Variants in UBE2J2 observed in about 807,000 individuals in gnomAD.
UBE2J2 encodes ubiquitin conjugating enzyme E2 J2.
UBE2J2 carries 5 observed loss-of-function variants against 28.6 expected under a neutral mutation model. The observed-to-expected ratio is 0.17, with a 90% CI of 0.09 to 0.37. The LOEUF is 0.37. Among genes scored for constraint, UBE2J2 ranks in the 10% least tolerant of loss-of-function variants. UBE2J2 has a pLI of 1.00. For missense variants in UBE2J2, 226 were observed against 338.9 expected (o/e 0.67, Z 2.62); for synonymous variants, 138 against 139.7 (o/e 0.99, Z 0.09).
At chr1:1,273,372 C>G (rs1477623572) in intron 1 of UBE2J2, 1 of 152,244 alleles carries the variant, frequency 6.6e-6, no homozygotes, top group Non-Finnish European at 1.5e-5. Flanking sequence ...GATCCACTGA[C>G]GAACCAGGAT....
At chr1:1,257,390 GC>G in intron 3 of UBE2J2, 80 bp from the exon 4 acceptor site, 1 of 177,550 alleles carries the variant, frequency 5.6e-6, no homozygotes, top group Non-Finnish European at 8.7e-6. Flanking sequence ...ATCCCCCCAC[GC>G]CACCCCCCCC....
chr1:1,259,922 C>A (rs1227273364), intron 3 of UBE2J2, among the ~76,000 whole-genome samples: 1 of 152,232 alleles, frequency 6.6e-6, no homozygotes, highest in Non-Finnish European at 1.5e-5. Flanking sequence ...TTTCCCTGGC[C>A]TCCCTGCATG....
chr1:1,268,640 A>G lies in UBE2J2; in HGVS notation c.1-648T>C, dbSNP rs1475479725. Among the ~76,000 whole-genome samples, 1 of 152,202 alleles carries G rather than the reference A, an allele frequency of 6.6e-6. No individual in the cohort carries two copies. Among genetic ancestry groups the G allele is most frequent in the Non-Finnish European group, 1.5e-5 (1 of 68,034 alleles). ...AGAAAGTGCAGTGTGCAAGGGCCCA[A>G]GCACAGTGAGGGCAGGGATAAGACT... On this transcript the variant is annotated intron_variant, in intron 1 of 6. Coordinates refer to ENST00000349431, the MANE Select transcript of UBE2J2 (RefSeq NM_058167.3). This position sits in a 1 kb window ranked among gnomAD's most constrained non-coding sequence, Gnocchi z 4.7.
chr1:1,263,387 C>T lies in UBE2J2; in HGVS notation c.132-1G>A. ...CTCTGGGCCTCGGACGACATAGTGC[C>T]TAAGGGAGAGAAGAAAATTACTTGG... On this transcript the variant is annotated splice_acceptor_variant, in intron 2 of 6. Coordinates refer to ENST00000349431, the MANE Select transcript of UBE2J2 (RefSeq NM_058167.3). LOFTEE classifies it high-confidence loss of function. 6.2e-7 allele frequency: 1 copy of T among 1,612,794 alleles called. No individual in the cohort carries two copies. Among genetic ancestry groups the T allele is most frequent in the Non-Finnish European group, 8.5e-7 (1 of 1,178,984 alleles).
chr1:1,270,563 A>G (rs1557569237), intron 1 of UBE2J2, among the ~76,000 whole-genome samples: 2 of 150,964 alleles, frequency 1.3e-5, no homozygotes, highest in Non-Finnish European at 3.0e-5. Context: ...CAGCCTTCCC[A>G]CTCTCATTAT....
At chr1:1,260,833 C>T (rs1394010300) in intron 3 of UBE2J2, among the ~76,000 whole-genome samples, 2 of 152,254 alleles carry the variant, frequency 1.3e-5, no homozygotes, top group Admixed American at 6.5e-5. Context: ...GGTCCTTTGC[C>T]TTTGCATGTA....
chr1:1,267,802 G>A (rs1027139944), intron 2 of UBE2J2, 60 bp downstream of exon 2: 139 of 1,594,496 alleles, frequency 8.7e-5, no homozygotes, highest in Middle Eastern at 1.7e-4. Context: ...AGCAGGGGCC[G>A]GCAGAGGCCT....
intron 5 of UBE2J2, among the ~76,000 whole-genome samples, chr1:1,256,752 G>T (rs576072808): frequency 1.3e-5 from 2 of 152,176 alleles, no homozygotes; most frequent in Non-Finnish European, 2.9e-5. Context: ...CGGGCGTGGT[G>T]GCGGGCGCCT....
intron 5 of UBE2J2, chr1:1,256,440 A>G (rs2101029042): frequency 9.8e-6 from 3 of 307,254 alleles, no homozygotes; most frequent in Non-Finnish European, 1.8e-5. Context: ...GATCCCAAGG[A>G]GGAGCCCCTG....
chr1:1,259,091 CGTGTGTGCAT>C (rs113322402), intron 3 of UBE2J2, among the ~76,000 whole-genome samples: 6,506 of 131,326 alleles, frequency 0.05, 403 homozygotes, highest in African/African-American at 0.15. Context: ...TCAGGACGCA[CGTGTGTGCAT>C]GTGTGTGCAT....
chr1:1,271,836 T>TGGTG (rs1479614929), intron 1 of UBE2J2, among the ~76,000 whole-genome samples: 2 of 151,836 alleles, frequency 1.3e-5, no homozygotes, highest in Admixed American at 6.6e-5. Context: ...TAATCAGGCA[T>TGGTG]GGTGGCATGT....
chr1:1,257,304 T>C lies in UBE2J2; in HGVS notation c.179A>G (p.Tyr60Cys), dbSNP rs1299950872. The C allele has an allele frequency of 1.2e-6, 2 of 1,603,884 alleles. No homozygotes were observed. The highest frequency in any genetic ancestry group is 2.2e-5 in the East Asian group (1 of 44,574). ...GPEMTPYEGG[Y>C]YHGKLIFPRE... ...GGGAAAAATTAGTTTTCCATGATAA[T>C]AGCCACCTACATGGAAACAAAACAG... Residue 60 changes from tyrosine (Y) to cysteine (C), a missense_variant, in exon 4 of 7, where the codon TAT becomes TGT. Physicochemically the swap from Tyr to Cys is radical, Grantham distance 194. Transcript: ENST00000349431.
At chr1:1,256,401 G>A in intron 5 of UBE2J2, 1 of 380,748 alleles carries the variant, frequency 2.6e-6, no homozygotes, top group Non-Finnish European at 4.8e-6. Context: ...GGCCGTCTGT[G>A]CAACTGGTAC....
At chr1:1,272,220 C>T (rs577976285) in intron 1 of UBE2J2, among the ~76,000 whole-genome samples, 1 of 152,206 alleles carries the variant, frequency 6.6e-6, no homozygotes, top group Admixed American at 6.5e-5. Flanking sequence ...CTCGGGTTCC[C>T]TTCAAACATC....
rs1480715827 is a variant in UBE2J2, at chr1:1,256,072, A to G, written c.468T>C (p.Phe156=). Residue 156 remains phenylalanine, a synonymous_variant, in exon 6 of 7, where the codon TTT becomes TTC. Coordinates refer to ENST00000349431, the MANE Select transcript of UBE2J2 (RefSeq NM_058167.3). ...CCACGACTTCAGGAAATAATTCACA[A>G]AAGACTTTATCTTTCAAATTAAATG... ...SLAFNLKDKV[F]CELFPEVVEE... 3.7e-6 allele frequency: 6 copies of G among 1,613,652 alleles called. No homozygotes were observed. The highest frequency in any genetic ancestry group is 3.3e-5 in the South Asian group (3 of 91,036).
intron 2 of UBE2J2, chr1:1,266,036 C>T (rs1011027160): frequency 7.7e-7 from 1 of 1,299,720 alleles, no homozygotes; most frequent in South Asian, 1.2e-5. Flanking sequence ...GATTTCCCCA[C>T]ACAATGAAGA....
At chr1:1,265,501 G>A (rs1385226570) in intron 2 of UBE2J2, among the ~76,000 whole-genome samples, 1 of 152,088 alleles carries the variant, frequency 6.6e-6, no homozygotes, top group Non-Finnish European at 1.5e-5. Context: ...GCCTGCTGCT[G>A]GGAATGGAGC....
chr1:1,272,169 A>C (rs1640187452), intron 1 of UBE2J2, among the ~76,000 whole-genome samples: 1 of 151,888 alleles, frequency 6.6e-6, no homozygotes. Context: ...AAATTCCACA[A>C]AGGAAGCAAA....
chr1:1,257,388 A>ACCCCCCC (rs1557550234), intron 3 of UBE2J2, 78 bp from the exon 4 acceptor site: 16 of 135,520 alleles, frequency 1.2e-4, no homozygotes, highest in South Asian at 2.4e-4. Flanking sequence ...CCATCCCCCC[A>ACCCCCCC]CGCCACCCCC....
Sources: allele counts gnomAD v4.1 joint callset (sites outside exome capture counted in the v4.1 genomes callset), GRCh38; gene constraint gnomAD v4.1.1; non-coding constraint Gnocchi (gnomAD v3.1); transcripts MANE v1.5; gene names NCBI Gene and HGNC (gene_info 2026-07-23, HGNC 2026-07-21).